The following KIF11 variants were observed in gnomAD, a reference collection of about 807,000 sequenced individuals.
KIF11 encodes kinesin-like protein KIF11.
Under a neutral mutation model 121.0 loss-of-function variants are expected in KIF11, and 9 were observed. That is an observed-to-expected ratio of 0.07 (90% CI 0.04 to 0.13). KIF11 has a LOEUF of 0.13. KIF11 is among the 10% of genes least tolerant of loss of function. KIF11 has a pLI of 1.00. For missense variants in KIF11, 846 were observed against 1,217.5 expected, an observed-to-expected ratio of 0.69 and a Z score of 4.54; for synonymous variants, 408 against 421.0, an observed-to-expected ratio of 0.97 and a Z score of 0.38.
At chr10:92,636,295 T>C (rs1189823084) in intron 14 of KIF11, among the ~76,000 whole-genome samples, 1 of 152,244 alleles carries the variant, frequency 6.6e-6, no homozygotes, top group Non-Finnish European at 1.5e-5. Flanking sequence ...GTCATTTTCC[T>C]CTTTTGAATT....
At chr10:92,634,324 G>C (rs1844772607) in intron 14 of KIF11, among the ~76,000 whole-genome samples, 1 of 147,296 alleles carries the variant, frequency 6.8e-6, no homozygotes, top group African/African-American at 2.5e-5. Context: ...ATTTTTTTCA[G>C]CCTCTCCTTT....
At chr10:92,601,408 G>A (rs57321719) in intron 1 of KIF11, among the ~76,000 whole-genome samples, 22,573 of 148,164 alleles carry the variant, frequency 0.15, 3,591 homozygotes, top group African/African-American at 0.4. Context: ...ACGGGGTTTC[G>A]CCGTTTTAGC....
At chr10:92,621,329 C>T (rs1844614879) in intron 9 of KIF11, 56 bp from the exon 10 acceptor site, 1 of 1,034,930 alleles carries the variant, frequency 9.7e-7, no homozygotes, top group African/African-American at 1.6e-5. Flanking sequence ...GCATGTCCTT[C>T]CCAAACTGAA....
chr10:92,639,172 T>C (rs1051164984), intron 16 of KIF11, among the ~76,000 whole-genome samples: 1 of 152,230 alleles, frequency 6.6e-6, no homozygotes, highest in African/African-American at 2.4e-5. Context: ...CAACTATATA[T>C]ATCTGTCAAA....
At chr10:92,599,211 T>A (rs1335619250) in intron 1 of KIF11, among the ~76,000 whole-genome samples, 1 of 152,106 alleles carries the variant, frequency 6.6e-6, no homozygotes, top group Non-Finnish European at 1.5e-5. Context: ...TTGTTCATTC[T>A]TAGTGTATAA....
rs1038188728 is a variant in KIF11 at position 92,654,787 on chromosome 10, C to G, written c.*991C>G. On this transcript the variant is annotated 3_prime_UTR_variant, in exon 22 of 22. Transcript: ENST00000260731. ...AAGAGGCCTAACTCATTCACCCTGA[C>G]AGAGTTCACAAAAAGCCCACTTAAG... is the stretch of plus-strand genomic sequence containing the variant. The G allele has an allele frequency of 1.3e-5, 2 of 152,470 alleles. No individual in the cohort carries two copies. The highest frequency in any genetic ancestry group is 6.6e-5 in the Admixed American group (1 of 15,266). 9.4% of individuals were successfully genotyped at this position (152,470 alleles called of 1,614,324 possible).
chr10:92,614,183 A>G (rs1483176800), intron 8 of KIF11, among the ~76,000 whole-genome samples: 1 of 148,744 alleles, frequency 6.7e-6, no homozygotes, highest in Non-Finnish European at 1.5e-5. Context: ...TGCAACCTCC[A>G]CCTCCCAGGT....
intron 8 of KIF11, among the ~76,000 whole-genome samples, chr10:92,615,074 G>A (rs1844539092): frequency 6.6e-6 from 1 of 151,970 alleles, no homozygotes. Context: ...GCGATTATAG[G>A]CATGAGCCAC....
At chr10:92,644,209 T>G (rs755722315) in intron 17 of KIF11, among the ~76,000 whole-genome samples, 1 of 152,236 alleles carries the variant, frequency 6.6e-6, no homozygotes, top group Non-Finnish European at 1.5e-5. Flanking sequence ...CCCAGGAATC[T>G]AGGTGATGTT....
At position 92,593,138 on chromosome 10, in the gene KIF11, G is replaced by T; in HGVS notation, c.-238G>T. 2.0e-6 allele frequency: 1 copy of T among 493,874 alleles called. No homozygotes were observed. The highest frequency in any genetic ancestry group is 3.6e-6 in the Non-Finnish European group (1 of 275,332). 30.6% of individuals were successfully genotyped at this position (493,874 alleles called of 1,614,324 possible). On this transcript the variant is annotated 5_prime_UTR_variant, in exon 1 of 22. Transcript: ENST00000260731. ...GCGCCGAGTCGTTGCTTAGTTTCTG[G>T]GGATTCGGGCGGAGACGAGATTAGT...
chr10:92,647,526 C>T (rs11187115), intron 18 of KIF11, among the ~76,000 whole-genome samples: 13,888 of 152,072 alleles, frequency 0.091, 758 homozygotes, highest in South Asian at 0.16. Flanking sequence ...ACATTTGAGA[C>T]GACTGGTGAA....
intron 12 of KIF11, 67 bp from the exon 13 acceptor site, chr10:92,632,419 G>T: frequency 1.9e-6 from 2 of 1,026,012 alleles, no homozygotes; most frequent in Non-Finnish European, 3.0e-6. Context: ...AAATCCTTGT[G>T]TAGATACTTT....
chr10:92,636,598 G>A (rs11812813), intron 14 of KIF11, among the ~76,000 whole-genome samples: 22,702 of 150,870 alleles, frequency 0.15, 3,606 homozygotes, highest in African/African-American at 0.4. Context: ...CCTGGGCCAC[G>A]AGAGTGAAAC....
At chr10:92,651,316 CTG>C (rs1844976763) in intron 21 of KIF11, among the ~76,000 whole-genome samples, 1 of 151,872 alleles carries the variant, frequency 6.6e-6, no homozygotes, top group Admixed American at 6.6e-5. Flanking sequence ...GCGTGAGCCA[CTG>C]TGCCCAGCCC....
In KIF11 at chr10:92,632,454, A is replaced by G. The variant is rs143130752; in HGVS notation, c.1495-32A>G. The G allele has an allele frequency of 1.1e-3, 1,461 of 1,356,698 alleles. 1 individual carries two copies. The highest frequency in any genetic ancestry group is 1.4e-3 in the Non-Finnish European group (1,361 of 952,364). The allele number at this position is 1,356,698 out of a possible 1,614,324, so 84.0% of individuals were successfully genotyped here. A position where few individuals can be genotyped will look rare whatever the true frequency, so the allele number is the denominator to read the frequency against. ...TCATCAGATTCCTTTCACCGTATCC[A>G]TTTTGTCTAACACTTATTTTTAAAA... On this transcript the variant is annotated intron_variant, in intron 12 of 21. Coordinates refer to ENST00000260731, the MANE Select transcript of KIF11 (RefSeq NM_004523.4).
chr10:92,637,454 A>T lies in KIF11; in HGVS notation c.2069A>T (p.Gln690Leu). ...CTGTGTAACAATCTACATGAACTAC[A>T]AGAAAATACCATTTGTTCCTTGGTT... Reference protein sequence around the residue: ...SILCNNLHELQENTICSLVES... With the variant: ...SILCNNLHELLENTICSLVES... The change falls in exon 16 of 22, where the codon CAA (glutamine) becomes CTA (leucine). Residue 690 changes from glutamine (Q) to leucine (L), a missense_variant. Transcript: ENST00000260731. 6.2e-7 allele frequency: 1 copy of T among 1,605,408 alleles called. No individual in the cohort carries two copies. The highest frequency in any genetic ancestry group is 8.5e-7 in the Non-Finnish European group (1 of 1,178,234).
chr10:92,640,029 G>C, intron 17 of KIF11, 129 bp downstream of exon 17: 1 of 542,604 alleles, frequency 1.8e-6, no homozygotes, highest in Non-Finnish European at 3.2e-6. Context: ...ATTTTATTAT[G>C]TATGTGTGTA....
chr10:92,635,438 T>C (rs1844785483), intron 14 of KIF11, among the ~76,000 whole-genome samples: 1 of 152,208 alleles, frequency 6.6e-6, no homozygotes, highest in Non-Finnish European at 1.5e-5. Flanking sequence ...TCCCGGTGCA[T>C]ATAAAGGTTA....
chr10:92,621,368 A>AC lies in KIF11; in HGVS notation c.1129-16dup. On this transcript the variant is annotated splice_polypyrimidine_tract_variant and intron_variant, in intron 9 of 21. Transcript: ENST00000260731. Reference sequence around the variant, plus strand: ...AAAAAGTACTAAACTGACACCTACAACATTCCTCTTGTGTAGGAGTATACG... The same window carrying AC: ...AAAAAGTACTAAACTGACACCTACAACCATTCCTCTTGTGTAGGAGTATACG... 1 of 1,512,876 alleles carries AC rather than the reference A, an allele frequency of 6.6e-7. No homozygotes were observed. Among genetic ancestry groups the AC allele is most frequent in the Non-Finnish European group, 9.1e-7 (1 of 1,093,132 alleles). 93.7% of individuals were successfully genotyped at this position (1,512,876 alleles called of 1,614,324 possible).
Sources: allele counts gnomAD v4.1 joint callset (sites outside exome capture counted in the v4.1 genomes callset), GRCh38; gene constraint gnomAD v4.1.1; transcripts MANE v1.5; gene names NCBI Gene and HGNC (gene_info 2026-07-23, HGNC 2026-07-21).